Variants in SLC36A1 observed in about 807,000 individuals in gnomAD.
SLC36A1 encodes solute carrier family 36 member 1.
SLC36A1 carries 30 observed loss-of-function variants against 47.5 expected under a neutral mutation model. That is an observed-to-expected ratio of 0.63 (90% confidence interval 0.47 to 0.86). The LOEUF is 0.86. Ranked by LOEUF, SLC36A1 falls within the 40% of genes least tolerant of loss-of-function variation. The pLI is 0.00. For synonymous variants in SLC36A1, 255 were observed against 249.7 expected (o/e 1.02, Z -0.20); for missense variants, 517 against 606.0 (o/e 0.85, Z 1.54).
At chr5:151,356,339 C>CCAAAAAAAAAAAAAAAAAAAA in the SLC36A1 span, among the ~76,000 whole-genome samples, 1 of 51,314 alleles carries the variant, frequency 1.9e-5, no homozygotes, top group African/African-American at 5.4e-5. Context: ...CTCTGTCTCA[C>CCAAAAAAAAAAAAAAAAAAAA]AAAAAAAAAA....
At chr5:151,531,580 C>T in the SLC36A1 span, 1 of 1,611,984 alleles carries the variant, frequency 6.2e-7, no homozygotes, top group Non-Finnish European at 8.5e-7. The surrounding 1 kb of genome is among the most constrained non-coding windows in gnomAD (Gnocchi z 5.7). Context: ...GTGGATCAGG[C>T]TCTCACCTGT....
chr5:151,441,303 CA>C (rs1192235530), intron 1 of SLC36A1, among the ~76,000 whole-genome samples: 1 of 152,082 alleles, frequency 6.6e-6, no homozygotes, highest in African/African-American at 2.4e-5. Context: ...AAAAATGAAA[CA>C]AAAGGCAAAG....
chr5:151,539,180 C>G, the SLC36A1 span, among the ~76,000 whole-genome samples: 27 of 152,168 alleles, frequency 1.8e-4, no homozygotes, highest in Admixed American at 1.7e-3. Context: ...GAGACTACCC[C>G]AAATATGGTC....
At chr5:151,511,275 T>C in the SLC36A1 span, 1 of 152,174 alleles carries the variant, frequency 6.6e-6, no homozygotes, top group Non-Finnish European at 1.5e-5. Context: ...GCATGTCACA[T>C]GTTGACAGGC....
the SLC36A1 span, among the ~76,000 whole-genome samples, chr5:151,499,422 T>C: frequency 1.3e-5 from 2 of 152,206 alleles, no homozygotes; most frequent in African/African-American, 4.8e-5. Flanking sequence ...GGGTTGACTC[T>C]TCTATACTGG....
chr5:151,542,280 C>A, the SLC36A1 span: 1 of 1,583,730 alleles, frequency 6.3e-7, no homozygotes, highest in Non-Finnish European at 8.6e-7. Context: ...GACAGGTGTT[C>A]TTACCTGTGA....
At chr5:151,369,961 A>ATTT in the SLC36A1 span, among the ~76,000 whole-genome samples, 1 of 151,928 alleles carries the variant, frequency 6.6e-6, no homozygotes, top group Admixed American at 6.6e-5. Flanking sequence ...TGCCCGACTA[A>ATTT]TTTTTATATT....
chr5:151,420,443 C>T, the SLC36A1 span, among the ~76,000 whole-genome samples: 1 of 152,182 alleles, frequency 6.6e-6, no homozygotes, highest in Admixed American at 6.5e-5. Flanking sequence ...AGTGATTTTC[C>T]TATGACACGC....
the SLC36A1 span, among the ~76,000 whole-genome samples, chr5:151,359,240 A>G: frequency 6.6e-6 from 1 of 152,336 alleles, no homozygotes; most frequent in Admixed American, 6.5e-5. Context: ...AGAGTCAGCT[A>G]ACTTTCAAAC....
At chr5:151,483,300 G>A (rs1759056021) in intron 10 of SLC36A1, among the ~76,000 whole-genome samples, 1 of 152,166 alleles carries the variant, frequency 6.6e-6, no homozygotes, top group South Asian at 2.1e-4. Flanking sequence ...TGTTGCTTCA[G>A]CAGTTTAAAA....
At chr5:151,512,036 T>A in the SLC36A1 span, 1 of 794,990 alleles carries the variant, frequency 1.3e-6, no homozygotes, top group East Asian at 2.7e-5. The surrounding 1 kb of genome is among the most constrained non-coding windows in gnomAD (Gnocchi z 4.1). Flanking sequence ...AACCTGTTAC[T>A]CACAAGTTAG....
the SLC36A1 span, among the ~76,000 whole-genome samples, chr5:151,551,154 G>A: frequency 6.6e-6 from 1 of 152,184 alleles, no homozygotes; most frequent in Non-Finnish European, 1.5e-5. Context: ...AACACTGGCT[G>A]AAGCTAGAAT....
chr5:151,540,721 T>C, the SLC36A1 span: 3 of 1,613,978 alleles, frequency 1.9e-6, no homozygotes, highest in South Asian at 3.3e-5. Flanking sequence ...CCTCCACTCA[T>C]CTCCAACTTG....
the SLC36A1 span, chr5:151,553,253 C>T: frequency 2.5e-5 from 41 of 1,614,250 alleles, no homozygotes; most frequent in Non-Finnish European, 3.4e-5. Flanking sequence ...CAGGGTCCGT[C>T]TCCATGACCG....
the SLC36A1 span, chr5:151,540,676 G>A: frequency 2.5e-6 from 4 of 1,614,214 alleles, no homozygotes; most frequent in South Asian, 2.2e-5. Context: ...GTACTTGGCT[G>A]TATGCTCGCG....
chr5:151,533,709 C>T, the SLC36A1 span, among the ~76,000 whole-genome samples: 1 of 151,678 alleles, frequency 6.6e-6, no homozygotes, highest in Non-Finnish European at 1.5e-5. Context: ...GAAAATTGGA[C>T]AGGTTATATA....
intron 10 of SLC36A1, chr5:151,479,923 G>T: frequency 1.8e-6 from 1 of 545,024 alleles, no homozygotes; most frequent in Non-Finnish European, 3.1e-6. Flanking sequence ...TTCCTTTAGA[G>T]GCTTTATGAT....
At chr5:151,467,145 AGCATT>A (rs76799041) in intron 5 of SLC36A1, 49 bp from the exon 6 acceptor site, 192,239 of 1,357,644 alleles carry the variant, frequency 0.14, 17,095 homozygotes, top group East Asian at 0.36. Flanking sequence ...CCCTTCTGGG[AGCATT>A]GCATTTGTAT....
At chr5:151,540,360 ACT>A in the SLC36A1 span, among the ~76,000 whole-genome samples, 1 of 150,724 alleles carries the variant, frequency 6.6e-6, no homozygotes, top group African/African-American at 2.4e-5. Flanking sequence ...CCTGCCCCTC[ACT>A]CTCTGTTCTC....
Sources: gnomAD v4.1 joint callset for allele counts (sites outside exome capture counted in the v4.1 genomes callset) on GRCh38, gnomAD v4.1.1 for gene constraint, Gnocchi (gnomAD v3.1) non-coding constraint, MANE v1.5 for transcripts, NCBI Gene and HGNC (gene_info 2026-07-23, HGNC 2026-07-21) for gene names.